MDGA2: variants seen among roughly 807,000 people sequenced by gnomAD.
The protein encoded by MDGA2 is MAM domain-containing glycosylphosphatidylinositol anchor protein 2.
In MDGA2, 40 loss-of-function variants were observed where a neutral mutation model predicts 117.8. The ratio of observed to expected loss-of-function variants is 0.34; its 90% confidence interval spans 0.26 to 0.44. MDGA2 has a LOEUF of 0.44. Ranked by LOEUF, MDGA2 falls within the 20% of genes least tolerant of loss-of-function variation. MDGA2 has a pLI of 1.00. For synonymous variants in MDGA2, 452 were observed against 439.0 expected (o/e 1.03, Z -0.37); for missense variants, 1,123 against 1,250.6 (o/e 0.90, Z 1.54).
At chr14:47,043,064 T>C (rs976316200) in intron 7 of MDGA2, among the ~76,000 whole-genome samples, 14 of 152,076 alleles carry the variant, frequency 9.2e-5, no homozygotes, top group African/African-American at 2.7e-4. Flanking sequence ...ATTCCAAGTC[T>C]GAATAATACC....
At chr14:47,157,663 C>A (rs1306375454) in intron 3 of MDGA2, among the ~76,000 whole-genome samples, 2 of 149,574 alleles carry the variant, frequency 1.3e-5, no homozygotes, top group Non-Finnish European at 3.0e-5. Flanking sequence ...GGTTGTGTCC[C>A]CACCCAAATC....
At chr14:47,436,236 C>G (rs955703510) in intron 1 of MDGA2, among the ~76,000 whole-genome samples, 1 of 152,042 alleles carries the variant, frequency 6.6e-6, no homozygotes, top group African/African-American at 2.4e-5. Flanking sequence ...ATAAGAAATT[C>G]AAGATTTTTT....
chr14:47,469,601 C>T (rs1260847906), intron 1 of MDGA2, among the ~76,000 whole-genome samples: 1 of 152,030 alleles, frequency 6.6e-6, no homozygotes. Context: ...GTGAATAGTG[C>T]CGCAATAAAC....
chr14:47,105,544 A>G (rs12893778), intron 5 of MDGA2, among the ~76,000 whole-genome samples: 31,953 of 151,668 alleles, frequency 0.21, 3,640 homozygotes, highest in East Asian at 0.48. Context: ...TTCTTCTGCA[A>G]TGCTGCTTGA....
In MDGA2 at chr14:47,022,932, T is replaced by C. The variant is rs141356043; in HGVS notation, c.1819+12079A>G. Among the ~76,000 whole-genome samples, 48 of 152,244 alleles carry C rather than the reference T, an allele frequency of 3.2e-4. No homozygotes were observed. The East Asian group carries it at 8.7e-3, about 28-fold the overall frequency. On this transcript the variant is annotated intron_variant, in intron 8 of 16. Transcript: ENST00000399232. ...AGAGAATTTCCAAATAGAACAATGC[T>C]TGCATTTATGCCTCTGCTGTGGAGT...
chr14:47,267,400 T>G (rs1888001977), intron 2 of MDGA2, among the ~76,000 whole-genome samples: 1 of 152,210 alleles, frequency 6.6e-6, no homozygotes, highest in Non-Finnish European at 1.5e-5. Context: ...GTATTCATCA[T>G]AACTAATGTT....
intron 1 of MDGA2, among the ~76,000 whole-genome samples, chr14:47,643,137 T>A (rs1897461080): frequency 6.6e-6 from 1 of 152,094 alleles, no homozygotes. Flanking sequence ...TAATGAGAAA[T>A]CACATTCTAT....
At chr14:47,475,220 T>C (rs1319294137) in intron 1 of MDGA2, among the ~76,000 whole-genome samples, 1 of 152,100 alleles carries the variant, frequency 6.6e-6, no homozygotes, top group Non-Finnish European at 1.5e-5. Flanking sequence ...AAGAAACATA[T>C]TGAAGGTCAA....
At chr14:47,430,023 G>T (rs2138524560) in intron 1 of MDGA2, among the ~76,000 whole-genome samples, 1 of 150,426 alleles carries the variant, frequency 6.6e-6, no homozygotes, top group Admixed American at 6.7e-5. Context: ...GGAGGACAGT[G>T]TCTCTAGAAG....
intron 5 of MDGA2, among the ~76,000 whole-genome samples, chr14:47,116,591 C>G (rs1881343615): frequency 6.6e-6 from 1 of 151,812 alleles, no homozygotes; most frequent in South Asian, 2.1e-4. Context: ...GAATAGAGAG[C>G]CCAGAAACAA....
intron 2 of MDGA2, among the ~76,000 whole-genome samples, chr14:47,231,965 G>C (rs191638865): frequency 6.6e-6 from 1 of 152,004 alleles, no homozygotes; most frequent in South Asian, 2.1e-4. Flanking sequence ...TGGGTTATGG[G>C]GGTAGATGGA....
At chr14:46,930,544 G>T (rs1884530454) in intron 9 of MDGA2, among the ~76,000 whole-genome samples, 1 of 152,080 alleles carries the variant, frequency 6.6e-6, no homozygotes, top group Non-Finnish European at 1.5e-5. Flanking sequence ...TATTTTCCTT[G>T]CTTAAATAAT....
chr14:47,058,490 C>T, intron 7 of MDGA2: 1 of 978,966 alleles, frequency 1.0e-6, no homozygotes, highest in Non-Finnish European at 1.2e-6. Context: ...TCAGTATCCT[C>T]CAGGGTTCAT....
At chr14:47,133,747 TG>T (rs1055161608) in intron 4 of MDGA2, among the ~76,000 whole-genome samples, 2 of 152,026 alleles carry the variant, frequency 1.3e-5, no homozygotes, top group Non-Finnish European at 2.9e-5. Context: ...TCTGTAATAA[TG>T]GGAATTTACA....
rs140144201 is a variant in MDGA2, at chr14:47,218,976, CT to C, written c.421-782del. ...CAATAATGACTGGTATTCAACTCAA[CT>C]TTTGTGTATTTTAGTGTATAAAACC... On this transcript the variant is annotated intron_variant, in intron 2 of 16. Coordinates refer to ENST00000399232, the MANE Select transcript of MDGA2 (RefSeq NM_001113498.3). 7.9e-3 allele frequency among the ~76,000 whole-genome samples: 1,198 copies of C among 152,144 alleles called. 14 individuals are homozygous for C. The highest frequency in any genetic ancestry group is 0.027 in the African/African-American group (1,135 of 41,550).
chr14:47,566,372 G>A (rs1049253242), intron 1 of MDGA2, among the ~76,000 whole-genome samples: 2 of 152,162 alleles, frequency 1.3e-5, no homozygotes, highest in Non-Finnish European at 2.9e-5. Flanking sequence ...GCATGCTCAG[G>A]TCAGACTGGC....
At chr14:47,095,379 T>C (rs980183708) in intron 6 of MDGA2, among the ~76,000 whole-genome samples, 2 of 151,934 alleles carry the variant, frequency 1.3e-5, no homozygotes, top group Admixed American at 1.3e-4. Flanking sequence ...ACCATGATCA[T>C]CAATGACCCT....
intron 15 of MDGA2, among the ~76,000 whole-genome samples, chr14:46,846,835 T>C (rs542930828): frequency 5.2e-4 from 79 of 152,250 alleles, no homozygotes; most frequent in African/African-American, 1.8e-3. Flanking sequence ...TTCCAAAGAA[T>C]AGTTTAATAA....
chr14:46,936,057 T>A (rs1044421982), intron 9 of MDGA2, among the ~76,000 whole-genome samples: 2 of 152,146 alleles, frequency 1.3e-5, no homozygotes, highest in Non-Finnish European at 1.5e-5. Context: ...ATAAATACAG[T>A]CATACATATA....
Sources: gnomAD v4.1 joint callset for allele counts (sites outside exome capture counted in the v4.1 genomes callset) on GRCh38, gnomAD v4.1.1 for gene constraint, MANE v1.5 for transcripts, NCBI Gene and HGNC (gene_info 2026-07-23, HGNC 2026-07-21) for gene names.